Variants in MMP24 observed in about 807,000 individuals in gnomAD.
The protein encoded by MMP24 is matrix metalloproteinase-24.
Under a neutral mutation model 62.8 loss-of-function variants are expected in MMP24, and 25 were observed. The ratio of observed to expected loss-of-function variants is 0.40; its 90% CI spans 0.29 to 0.56. The LOEUF (loss-of-function observed/expected upper bound fraction) is 0.56. MMP24 is among the 20% of genes least tolerant of loss of function. The pLI, the probability that MMP24 is intolerant of heterozygous loss-of-function variation, is 0.50. For missense variants in MMP24, 634 were observed against 853.6 expected (o/e 0.74, Z 3.21); for synonymous variants, 319 against 350.5 (o/e 0.91, Z 1.00).
chr20:35,228,868 A>T (rs751043743), intron 1 of MMP24, among the ~76,000 whole-genome samples: 5 of 152,136 alleles, frequency 3.3e-5, no homozygotes, highest in Non-Finnish European at 7.3e-5. Context: ...TTTTCAATAG[A>T]TGTCAACTTG....
At chr20:35,232,737 G>A (rs1345250612) in intron 1 of MMP24, among the ~76,000 whole-genome samples, 1 of 152,214 alleles carries the variant, frequency 6.6e-6, no homozygotes, top group Non-Finnish European at 1.5e-5. Flanking sequence ...GTTACTTGCT[G>A]TTTCCAGTAA....
At chr20:35,272,537 G>A (rs940943316) in intron 8 of MMP24, among the ~76,000 whole-genome samples, 1 of 152,164 alleles carries the variant, frequency 6.6e-6, no homozygotes, top group Non-Finnish European at 1.5e-5. Flanking sequence ...TGCATCAAGA[G>A]AGAAACTTTT....
chr20:35,260,930 T>G (rs2060599362), intron 4 of MMP24, among the ~76,000 whole-genome samples: 1 of 151,936 alleles, frequency 6.6e-6, no homozygotes, highest in African/African-American at 2.4e-5. Context: ...GGGGCCAGAG[T>G]GGGCAGTAGG....
chr20:35,254,389 T>C (rs904345866), intron 3 of MMP24, 61 bp from the exon 4 acceptor site: 27 of 1,464,570 alleles, frequency 1.8e-5, no homozygotes, highest in Non-Finnish European at 2.3e-5. Context: ...AGGTATCTAT[T>C]TTAGCTCTGC....
chr20:35,254,367 C>A, intron 3 of MMP24, 83 bp from the exon 4 acceptor site: 3 of 1,293,982 alleles, frequency 2.3e-6, no homozygotes, highest in Non-Finnish European at 1.1e-6. Context: ...GATCACTGAG[C>A]CACATTGTCT....
intron 1 of MMP24, among the ~76,000 whole-genome samples, chr20:35,229,828 C>T (rs189993667): frequency 6.6e-6 from 1 of 152,206 alleles, no homozygotes; most frequent in Non-Finnish European, 1.5e-5. Flanking sequence ...CACCCCTACC[C>T]GTTCATTTGA....
rs769677060 is a variant in MMP24 at position 35,263,831 on chromosome 20, C to T, written c.858C>T (p.His286=). 6.9e-6 allele frequency: 11 copies of T among 1,603,256 alleles called. No individual in the cohort carries two copies. The highest frequency in any genetic ancestry group is 4.5e-5 in the South Asian group (4 of 89,412). ...TGGTGGCTGTGCATGAGCTGGGCCA[C>T]GCGCTGGGACTGGAGCACTCCAGCG... The part of the protein sequence containing the change: ...LFLVAVHELG[H]ALGLEHSSDP... The change falls in exon 5 of 9, where the codon CAC becomes CAT. Residue 286 remains histidine, a synonymous_variant. Coordinates refer to ENST00000246186, the MANE Select transcript of MMP24 (RefSeq NM_006690.4).
intron 7 of MMP24, among the ~76,000 whole-genome samples, chr20:35,270,370 C>T (rs148873508): frequency 7.5e-4 from 114 of 152,308 alleles, no homozygotes; most frequent in African/African-American, 2.3e-3. Flanking sequence ...AGAGGGACAA[C>T]GGCTGAATAA....
intron 1 of MMP24, among the ~76,000 whole-genome samples, chr20:35,236,628 G>T (rs1239154042): frequency 6.6e-6 from 1 of 152,088 alleles, no homozygotes; most frequent in Non-Finnish European, 1.5e-5. Flanking sequence ...CAGTGATTTG[G>T]TCTGGCAGCA....
chr20:35,254,449 G>A lies in MMP24; in HGVS notation c.513-1G>A. The A allele has an allele frequency of 6.2e-7, 1 of 1,610,922 alleles. No individual in the cohort carries two copies. The highest frequency in any genetic ancestry group is 8.5e-7 in the Non-Finnish European group (1 of 1,177,658). On this transcript the variant is annotated splice_acceptor_variant, in intron 3 of 8. Transcript: ENST00000246186. LOFTEE classifies it high-confidence loss of function. ...CTAATGATCCTCCCCTCTCTCACCAGCATTCACAACTATACCCCAAAAGTG... is the reference window on the plus strand; with the variant it reads ...CTAATGATCCTCCCCTCTCTCACCAACATTCACAACTATACCCCAAAAGTG...
chr20:35,226,870 C>T lies in MMP24; in HGVS notation c.132C>T (p.Cys44=). The part of the protein sequence containing the change: ...RLLLLLLPAL[C]CLPGAARAAA... ...TGCTGCTGCTGCTGCCCGCGCTCTG[C>T]TGCCTCCCGGGCGCCGCGCGGGCGG... Residue 44 remains cysteine (C), a synonymous_variant, in exon 1 of 9, where the codon TGC becomes TGT. Transcript: ENST00000246186. 1 of 979,944 alleles carries T rather than the reference C, an allele frequency of 1.0e-6. No homozygotes were observed. The highest frequency in any genetic ancestry group is 1.2e-6 in the Non-Finnish European group (1 of 828,350). The allele number at this position is 979,944 out of a possible 1,614,324, so 60.7% of individuals were successfully genotyped here.
intron 1 of MMP24, among the ~76,000 whole-genome samples, chr20:35,230,187 G>A (rs1215302439): frequency 5.3e-5 from 8 of 151,844 alleles, no homozygotes; most frequent in African/African-American, 1.7e-4. Flanking sequence ...AAGGGTTTTC[G>A]CCGTATTGGC....
At chr20:35,253,270 C>CTTTTTTTTTTTT (rs34474017) in intron 3 of MMP24, among the ~76,000 whole-genome samples, 1,382 of 79,016 alleles carry the variant, frequency 0.017, 206 homozygotes, top group African/African-American at 0.059. Flanking sequence ...CAGAACGGGA[C>CTTTTTTTTTTTT]TTTTTTTTTT....
intron 1 of MMP24, among the ~76,000 whole-genome samples, 164 bp downstream of exon 1, chr20:35,227,148 G>A (rs2146194374): frequency 6.6e-6 from 1 of 150,862 alleles, no homozygotes; most frequent in Non-Finnish European, 1.5e-5. Flanking sequence ...GCCCAGGGCG[G>A]GGGCTGGGGA....
intron 6 of MMP24, among the ~76,000 whole-genome samples, chr20:35,268,159 G>A (rs6060336): frequency 6.6e-6 from 1 of 152,268 alleles, no homozygotes; most frequent in South Asian, 2.1e-4. Flanking sequence ...CTCAGCCTAC[G>A]TTGGGTCCAA....
chr20:35,232,234 T>C (rs994677583), intron 1 of MMP24, among the ~76,000 whole-genome samples: 4 of 152,174 alleles, frequency 2.6e-5, no homozygotes, highest in Admixed American at 6.5e-5. Context: ...AAGTAAATTA[T>C]AATTGTACCC....
chr20:35,267,228 C>T lies in MMP24; in HGVS notation c.1003C>T (p.Pro335Ser), dbSNP rs746506983. ...AGGACCCCCAGCCGAGCCTCTGGAG[C>T]CCACAAGGCCACTCCCTACACTCCC... ...IYGPPAEPLEPTRPLPTLPVR... is the reference protein window; with the variant it reads ...IYGPPAEPLESTRPLPTLPVR... Residue 335 changes from proline to serine, a missense_variant, in exon 6 of 9, where the codon CCC (proline) becomes TCC (serine). Pro to Ser is a moderately conservative substitution (Grantham distance 74). This residue lies in a region of MMP24 where 399 missense variants were observed against 530.8 expected (regional missense o/e 0.75). Transcript: ENST00000246186. The T allele has an allele frequency of 2.5e-6, 4 of 1,601,406 alleles. No individual in the cohort carries two copies. Among genetic ancestry groups the T allele is most frequent in the Non-Finnish European group, 3.4e-6 (4 of 1,174,616 alleles).
At chr20:35,233,136 G>A (rs1340836677) in intron 1 of MMP24, among the ~76,000 whole-genome samples, 1 of 152,156 alleles carries the variant, frequency 6.6e-6, no homozygotes, top group Non-Finnish European at 1.5e-5. Flanking sequence ...AGAAAGTCAG[G>A]AGTTGTTCTT....
intron 1 of MMP24, among the ~76,000 whole-genome samples, chr20:35,238,337 G>A (rs1482459019): frequency 1.3e-5 from 2 of 152,184 alleles, no homozygotes; most frequent in South Asian, 2.1e-4. Flanking sequence ...AGGAGGAAGC[G>A]ACAGATATTT....
Sources: allele counts gnomAD v4.1 joint callset (sites outside exome capture counted in the v4.1 genomes callset), GRCh38; gene constraint gnomAD v4.1.1; regional missense constraint gnomAD v4.1.1; transcripts MANE v1.5; gene names NCBI Gene and HGNC (gene_info 2026-07-23, HGNC 2026-07-21).